The following SLC26A8 variants were observed in gnomAD, a reference collection of about 807,000 sequenced individuals.
The protein encoded by SLC26A8 is testis anion transporter 1.
A neutral mutation model predicts 105.0 loss-of-function variants in SLC26A8; 70 were observed. The observed-to-expected ratio is 0.67, with a 90% confidence interval of 0.55 to 0.81. The LOEUF is 0.81. Ranked by LOEUF, SLC26A8 falls within the 40% of genes least tolerant of loss-of-function variation. The pLI is 0.00. For missense variants in SLC26A8, 998 were observed against 1,181.8 expected, an observed-to-expected ratio of 0.84 and a Z score of 2.28; for synonymous variants, 415 against 438.3, an observed-to-expected ratio of 0.95 and a Z score of 0.66.
chr6:35,989,430 A>G (rs970809507), intron 7 of SLC26A8: 21 of 152,136 alleles, frequency 1.4e-4, no homozygotes, highest in Non-Finnish European at 2.6e-4. Context: ...GTGTGTGTGT[A>G]TCTCCGGGTT....
Position 36,007,276 on chromosome 6 carries a change from T to C in SLC26A8, c.328+4957A>G, listed in dbSNP as rs973751289. On this transcript the variant is annotated intron_variant, in intron 3 of 19. Coordinates refer to ENST00000490799, the MANE Select transcript of SLC26A8 (RefSeq NM_052961.4). ...AATTCTTAGAACTAATAAAGGAGTT[T>C]CAGGATACAAGAAAAACACACAAAT... Among the ~76,000 whole-genome samples, 6 of 152,190 alleles carry C rather than the reference T, an allele frequency of 3.9e-5. No individual in the cohort carries two copies. In the East Asian group the frequency reaches 1.2e-3, roughly 29 times the overall value.
intron 5 of SLC26A8, among the ~76,000 whole-genome samples, 182 bp from the exon 6 acceptor site, chr6:35,992,856 C>T (rs573557623): frequency 2.7e-4 from 41 of 152,290 alleles, no homozygotes; most frequent in African/African-American, 9.4e-4. Context: ...GTATGTTGAT[C>T]AGAGGCTCCC....
At chr6:35,957,114 C>T (rs771306035) in intron 16 of SLC26A8, among the ~76,000 whole-genome samples, 2 of 151,146 alleles carry the variant, frequency 1.3e-5, no homozygotes, top group Admixed American at 1.3e-4. Context: ...CTCAGCTACT[C>T]GGGAGGCTGA....
chr6:36,012,421 C>G (rs781713389), intron 2 of SLC26A8, 49 bp from the exon 3 acceptor site: 1 of 1,527,520 alleles, frequency 6.5e-7, no homozygotes, highest in Non-Finnish European at 8.7e-7. Context: ...AAAGAAAATG[C>G]CCGCATAGCC....
intron 16 of SLC26A8, among the ~76,000 whole-genome samples, chr6:35,956,683 G>A (rs1295730462): frequency 6.6e-6 from 1 of 152,176 alleles, no homozygotes; most frequent in Non-Finnish European, 1.5e-5. Flanking sequence ...ACTTTGGGAG[G>A]CTGAGGTGGG....
At chr6:36,021,948 C>T (rs1023267123) in intron 1 of SLC26A8, among the ~76,000 whole-genome samples, 10 of 151,580 alleles carry the variant, frequency 6.6e-5, no homozygotes, top group African/African-American at 1.2e-4. Flanking sequence ...GGATTACACG[C>T]GTGAGCCACC....
chr6:35,944,711 A>T (rs914836255), intron 19 of SLC26A8, among the ~76,000 whole-genome samples: 4 of 151,896 alleles, frequency 2.6e-5, no homozygotes, highest in Non-Finnish European at 4.4e-5. Flanking sequence ...TGTCTCAAAA[A>T]ACAAACAAAC....
intron 6 of SLC26A8, among the ~76,000 whole-genome samples, chr6:35,992,149 C>A (rs1318895384): frequency 6.6e-6 from 1 of 152,176 alleles, no homozygotes; most frequent in Non-Finnish European, 1.5e-5. Context: ...CATTTAGGAA[C>A]TACTTAGTCT....
intron 5 of SLC26A8, among the ~76,000 whole-genome samples, chr6:35,993,176 T>G (rs1246986305): frequency 1.7e-4 from 5 of 29,932 alleles, no homozygotes; most frequent in Non-Finnish European, 4.2e-4. Context: ...TTTTTTTTTT[T>G]GATAGAGATT....
intron 14 of SLC26A8, 21 bp downstream of exon 14, chr6:35,960,822 G>A (rs1171269932): frequency 3.7e-6 from 6 of 1,612,442 alleles, no homozygotes; most frequent in Non-Finnish European, 5.1e-6. Flanking sequence ...GCAGAGAAAT[G>A]GGACCCATTT....
chr6:35,951,203 G>T lies in SLC26A8; in HGVS notation c.2432C>A (p.Ser811Tyr). 1.2e-6 allele frequency: 2 copies of T among 1,613,782 alleles called. No homozygotes were observed. Among genetic ancestry groups the T allele is most frequent in the Non-Finnish European group, 1.7e-6 (2 of 1,179,992 alleles). Residue 811 changes from serine (S) to tyrosine (Y), a missense_variant, in exon 19 of 20, where the codon TCC becomes TAC. By Grantham distance (144) the Ser-to-Tyr change is moderately radical (BLOSUM62 -2). Transcript: ENST00000490799. ...GTAGGTTTCCCGTATCACTGTCTCGGATTCATCGATGCTTAACTCAGAGGA... is the reference window on the plus strand; with the variant it reads ...GTAGGTTTCCCGTATCACTGTCTCGTATTCATCGATGCTTAACTCAGAGGA... Reference protein sequence around the residue: ...IGSSELSIDESETVIRETYSE... With the variant: ...IGSSELSIDEYETVIRETYSE...
rs1259824821 is a variant in SLC26A8 at position 36,024,578 on chromosome 6, A to G, written c.-77T>C. On this transcript the variant is annotated 5_prime_UTR_variant, in exon 1 of 20. Coordinates refer to ENST00000490799, the MANE Select transcript of SLC26A8 (RefSeq NM_052961.4). ...TCTCGCCTGGCTGGCGGCGCTGCGG[A>G]CGCGGATACCGGCGGCGGTTCCCGA... 1.1e-5 allele frequency: 4 copies of G among 373,074 alleles called. No individual in the cohort carries two copies. The highest frequency in any genetic ancestry group is 3.5e-5 in the Admixed American group (1 of 28,464). The allele number at this position is 373,074 out of a possible 1,614,324, so 23.1% of individuals were successfully genotyped here. A position where few individuals can be genotyped will look rare whatever the true frequency, so the allele number is the denominator to read the frequency against.
In SLC26A8 at chr6:35,959,780, G is replaced by T; in HGVS notation, c.1665C>A (p.Ile555=). The change falls in exon 15 of 20, where the codon ATC becomes ATA. Residue 555 remains isoleucine, a synonymous_variant. Coordinates refer to ENST00000490799, the MANE Select transcript of SLC26A8 (RefSeq NM_052961.4). ...REIITIPGVK[I]FQCCSSITFV... ...ATGTAATTGAGCTGCAGCACTGGAA[G>T]ATTTTCACCCCAGGAATGGTGATGA... 2 of 1,608,834 alleles carry T rather than the reference G, an allele frequency of 1.2e-6. No individual in the cohort carries two copies. Among genetic ancestry groups the T allele is most frequent in the Non-Finnish European group, 1.7e-6 (2 of 1,178,842 alleles).
rs541952435 is a variant in SLC26A8, at chr6:35,968,424, C to T, written c.1365+453G>A. Among the ~76,000 whole-genome samples the T allele has an allele frequency of 1.1e-4, 16 of 151,318 alleles. No homozygotes were observed. In the East Asian group the frequency reaches 1.8e-3, roughly 17 times the overall value. ...CCTCCCAAAGTGCTGGGATTACAGG[C>T]GGTGCCCTGTATCCCAGTTATACGG... On this transcript the variant is annotated intron_variant, in intron 11 of 19. Transcript: ENST00000490799.
intron 17 of SLC26A8, among the ~76,000 whole-genome samples, chr6:35,951,941 C>T (rs1387707348): frequency 1.3e-5 from 2 of 152,158 alleles, no homozygotes; most frequent in Non-Finnish European, 2.9e-5. Flanking sequence ...CCTTGCATCC[C>T]AATTCAGCTC....
rs150568214 is a variant in SLC26A8, at chr6:35,995,314, T to C, written c.627+2424A>G. Among the ~76,000 whole-genome samples the C allele has an allele frequency of 3.6e-3, 550 of 152,272 alleles. 1 individual carries two copies. Among genetic ancestry groups the C allele is most frequent in the African/African-American group, 0.013 (520 of 41,556 alleles). Reference sequence around the variant, plus strand: ...GGCAGCCACTGTTAATCAGTCAGGGTTGGCCTGTGAGATGAAACCTATCTG... The same window carrying C: ...GGCAGCCACTGTTAATCAGTCAGGGCTGGCCTGTGAGATGAAACCTATCTG... On this transcript the variant is annotated intron_variant, in intron 5 of 19. Coordinates refer to ENST00000490799, the MANE Select transcript of SLC26A8 (RefSeq NM_052961.4).
At chr6:35,955,080 A>G (rs1179551181) in intron 17 of SLC26A8, 72 bp downstream of exon 17, 21 of 1,584,406 alleles carry the variant, frequency 1.3e-5, no homozygotes, top group East Asian at 2.2e-5. Context: ...ACAGAATTCA[A>G]TCAGGATCAG....
intron 10 of SLC26A8, among the ~76,000 whole-genome samples, chr6:35,972,933 G>T (rs542469288): frequency 6.6e-6 from 1 of 152,354 alleles, no homozygotes; most frequent in African/African-American, 2.4e-5. Context: ...GAATCCTGCT[G>T]TTAAGACAGC....
intron 9 of SLC26A8, among the ~76,000 whole-genome samples, chr6:35,976,388 C>A (rs1773025868): frequency 6.6e-6 from 1 of 150,772 alleles, no homozygotes; most frequent in Non-Finnish European, 1.5e-5. Flanking sequence ...CATGCCATTG[C>A]ACTCCAGCAT....
Sources: gnomAD v4.1 joint callset for allele counts (sites outside exome capture counted in the v4.1 genomes callset) on GRCh38, gnomAD v4.1.1 for gene constraint, MANE v1.5 for transcripts, NCBI Gene and HGNC (gene_info 2026-07-23, HGNC 2026-07-21) for gene names.